Variants in CMTR1 observed in about 807,000 individuals in gnomAD.
CMTR1 encodes cap-specific mRNA (nucleoside-2'-O-)-methyltransferase 1.
In CMTR1, 39 loss-of-function variants were observed where a neutral mutation model predicts 107.0. The ratio of observed to expected loss-of-function variants is 0.36; its 90% CI spans 0.28 to 0.48. The LOEUF (loss-of-function observed/expected upper bound fraction) is 0.48. Ranked by LOEUF, CMTR1 falls within the 20% of genes least tolerant of loss-of-function variation. CMTR1 has a pLI of 0.99. For missense variants in CMTR1, 672 were observed against 1,064.9 expected (o/e 0.63, Z 5.14); for synonymous variants, 366 against 379.5 (o/e 0.96, Z 0.41).
intron 2 of CMTR1, among the ~76,000 whole-genome samples, chr6:37,442,632 T>C (rs770928367): frequency 6.6e-6 from 1 of 152,226 alleles, no homozygotes; most frequent in Non-Finnish European, 1.5e-5. Flanking sequence ...ACACTGGTGT[T>C]ACTGGAGCAC....
Position 37,479,267 on chromosome 6 carries a change from T to G in CMTR1, c.2375+12T>G. On this transcript the variant is annotated intron_variant, in intron 23 of 23. Coordinates refer to ENST00000373451, the MANE Select transcript of CMTR1 (RefSeq NM_015050.3). ...ATTGCCCCATTTCAGTAAGTAGCTCTCCTCCAAGCCTGCCCTCCTTAGCAG... is the reference window on the plus strand; with the variant it reads ...ATTGCCCCATTTCAGTAAGTAGCTCGCCTCCAAGCCTGCCCTCCTTAGCAG... 5 of 1,569,228 alleles carry G rather than the reference T, an allele frequency of 3.2e-6. No homozygotes were observed. The highest frequency in any genetic ancestry group is 4.4e-6 in the Non-Finnish European group (5 of 1,139,186).
In CMTR1 at chr6:37,477,642, G is replaced by C; in HGVS notation, c.2153+3G>C. ...GAGATGGAGAAGATTTTTGTCAGGT[G>C]AGTGACTTGACCGGTGAAGCTCAGA... On this transcript the variant is annotated splice_donor_region_variant and intron_variant, in intron 21 of 23. Transcript: ENST00000373451. The C allele has an allele frequency of 6.2e-6, 10 of 1,612,186 alleles. No homozygotes were observed. Among genetic ancestry groups the C allele is most frequent in the African/African-American group, 1.3e-5 (1 of 74,886 alleles).
the CMTR1 span, among the ~76,000 whole-genome samples, chr6:37,427,597 T>A: frequency 6.6e-6 from 1 of 152,224 alleles, no homozygotes; most frequent in Non-Finnish European, 1.5e-5. This position sits in a 1 kb window ranked among gnomAD's most constrained non-coding sequence, Gnocchi z 4.4. Context: ...CTTTTAATCA[T>A]CAGGTATATT....
chr6:37,475,964 G>C, intron 19 of CMTR1, 162 bp from the exon 20 acceptor site: 1 of 654,732 alleles, frequency 1.5e-6, no homozygotes, highest in Non-Finnish European at 2.8e-6. Context: ...CGGTGGAGAA[G>C]GGCAGGGCGG....
intron 9 of CMTR1, among the ~76,000 whole-genome samples, chr6:37,459,220 C>G (rs1761355162): frequency 6.6e-6 from 1 of 152,266 alleles, no homozygotes; most frequent in Non-Finnish European, 1.5e-5. Flanking sequence ...ACAGCAGTCC[C>G]TCTGTTCTAT....
intron 2 of CMTR1, among the ~76,000 whole-genome samples, chr6:37,438,780 C>G (rs1771595874): frequency 6.6e-6 from 1 of 152,170 alleles, no homozygotes; most frequent in African/African-American, 2.4e-5. Context: ...ATTTATATCA[C>G]CTATGTTCTG....
chr6:37,480,846 G>A lies in CMTR1; in HGVS notation c.*701G>A. ...CCTGGGAGCCCTCTTTTCGTACTGA[G>A]TATGGAGTTGTAGAGCCATCCTAGG... On this transcript the variant is annotated 3_prime_UTR_variant, in exon 24 of 24. Transcript: ENST00000373451. The A allele has an allele frequency of 8.4e-7, 1 of 1,183,628 alleles. No individual in the cohort carries two copies. The highest frequency in any genetic ancestry group is 1.1e-6 in the Non-Finnish European group (1 of 940,546). The allele number at this position is 1,183,628 out of a possible 1,614,324, so 73.3% of individuals were successfully genotyped here. A position where few individuals can be genotyped will look rare whatever the true frequency, so the allele number is the denominator to read the frequency against.
chr6:37,464,422 G>A (rs1357948846), intron 13 of CMTR1, among the ~76,000 whole-genome samples: 4 of 150,948 alleles, frequency 2.6e-5, no homozygotes, highest in Middle Eastern at 3.4e-3. Context: ...AGCCGAGATC[G>A]CGCCACTGCA....
Position 37,452,939 on chromosome 6 carries a change from A to T in CMTR1, c.610-108A>T, listed in dbSNP as rs113871198. 9.7e-5 allele frequency: 89 copies of T among 914,054 alleles called. No homozygotes were observed. In the African/African-American group the frequency reaches 1.1e-3, roughly 12 times the overall value. 56.6% of individuals were successfully genotyped at this position (914,054 alleles called of 1,614,324 possible). ...CACAGTGAGACATTTCAGAGCTGAG[A>T]TGCCACAGGAATCTTGTTCCTTGGA... On this transcript the variant is annotated intron_variant, in intron 6 of 23. Coordinates refer to ENST00000373451, the MANE Select transcript of CMTR1 (RefSeq NM_015050.3).
At chr6:37,430,274 T>C (rs1771344330), upstream of CMTR1, among the ~76,000 whole-genome samples, 1 of 152,210 alleles carries the variant, frequency 6.6e-6, no homozygotes, top group Non-Finnish European at 1.5e-5. Flanking sequence ...AGTTGTTCCA[T>C]GCATTCTGTC....
chr6:37,444,775 A>C (rs992070140), intron 3 of CMTR1, among the ~76,000 whole-genome samples: 2 of 152,208 alleles, frequency 1.3e-5, no homozygotes, highest in African/African-American at 4.8e-5. Flanking sequence ...CTGTAATCCC[A>C]GCACTTTGGG....
chr6:37,472,462 A>G lies in CMTR1; in HGVS notation c.1664A>G (p.Lys555Arg), dbSNP rs1430303772. 1 of 1,613,986 alleles carries G rather than the reference A, an allele frequency of 6.2e-7. No homozygotes were observed. The highest frequency in any genetic ancestry group is 8.5e-7 in the Non-Finnish European group (1 of 1,180,002). ...GTGGCTCCTTCTTCCTCCGACCCTAAATCGAAGTTCTTTGAGCTAATCCAG... is the reference window on the plus strand; with the variant it reads ...GTGGCTCCTTCTTCCTCCGACCCTAGATCGAAGTTCTTTGAGCTAATCCAG... Reference protein sequence around the residue: ...ARVAPSSSDPKSKFFELIQGT... With the variant: ...ARVAPSSSDPRSKFFELIQGT... The change falls in exon 16 of 24, where the codon AAA becomes AGA. Residue 555 changes from lysine (K) to arginine (R), a missense_variant. Transcript: ENST00000373451. This position sits in a 1 kb window ranked among gnomAD's most constrained non-coding sequence, Gnocchi z 4.1.
intron 8 of CMTR1, among the ~76,000 whole-genome samples, chr6:37,456,219 C>T (rs1417574037): frequency 1.3e-5 from 2 of 152,174 alleles, no homozygotes; most frequent in African/African-American, 4.8e-5. Flanking sequence ...AACTTGTGAC[C>T]CCTGCCACAT....
chr6:37,451,614 C>A (rs1761174256), intron 5 of CMTR1, among the ~76,000 whole-genome samples, 192 bp from the exon 6 acceptor site: 1 of 152,128 alleles, frequency 6.6e-6, no homozygotes, highest in Non-Finnish European at 1.5e-5. Flanking sequence ...GGGGGTGCTT[C>A]ATCTCACAGC....
chr6:37,471,646 C>T (rs1242241467), intron 14 of CMTR1, among the ~76,000 whole-genome samples: 1 of 152,102 alleles, frequency 6.6e-6, no homozygotes. Flanking sequence ...AATCCCATTT[C>T]GTGTATGTTT....
At chr6:37,439,482 T>G (rs1771617872) in intron 2 of CMTR1, among the ~76,000 whole-genome samples, 1 of 152,226 alleles carries the variant, frequency 6.6e-6, no homozygotes, top group South Asian at 2.1e-4. Flanking sequence ...GGCGCCTTCC[T>G]CTCCACCAGG....
rs1761844725 is a variant in CMTR1 at position 37,481,068 on chromosome 6, C to T, written c.*923C>T. The stretch of plus-strand genomic sequence containing the variant: ...TCTAGGGTCTTGGCAGAATTCTGAG[C>T]TTGAAGTGCAGCTCCCTTACTACCC... On this transcript the variant is annotated 3_prime_UTR_variant, in exon 24 of 24. Coordinates refer to ENST00000373451, the MANE Select transcript of CMTR1 (RefSeq NM_015050.3). The T allele has an allele frequency of 7.7e-7, 1 of 1,304,290 alleles. No homozygotes were observed. Among genetic ancestry groups the T allele is most frequent in the Non-Finnish European group, 1.0e-6 (1 of 988,940 alleles). The allele number at this position is 1,304,290 out of a possible 1,614,324, so 80.8% of individuals were successfully genotyped here.
chr6:37,468,594 T>G (rs1360885882), intron 13 of CMTR1, among the ~76,000 whole-genome samples: 1 of 152,182 alleles, frequency 6.6e-6, no homozygotes, highest in African/African-American at 2.4e-5. Flanking sequence ...TATTTAAAAA[T>G]GTATTTAGGC....
chr6:37,439,634 G>A (rs563816392), intron 2 of CMTR1, among the ~76,000 whole-genome samples: 10 of 152,310 alleles, frequency 6.6e-5, no homozygotes, highest in South Asian at 6.2e-4. Flanking sequence ...CTGGCATGAA[G>A]GAGAAATTGA....
Sources: gnomAD v4.1 joint callset for allele counts (sites outside exome capture counted in the v4.1 genomes callset) on GRCh38, gnomAD v4.1.1 for gene constraint, Gnocchi (gnomAD v3.1) non-coding constraint, MANE v1.5 for transcripts, NCBI Gene and HGNC (gene_info 2026-07-23, HGNC 2026-07-21) for gene names.